The following NMNAT3 variants were observed in gnomAD, a reference collection of about 807,000 sequenced individuals.
NMNAT3 encodes nicotinamide nucleotide adenylyltransferase 3, also known as nicotinamide/nicotinic acid mononucleotide adenylyltransferase 3.
In NMNAT3, 21 loss-of-function variants were observed where a neutral mutation model predicts 24.8. That is an observed-to-expected ratio of 0.85 (90% CI 0.60 to 1.22). NMNAT3 has a LOEUF of 1.22. NMNAT3 is among the 50% of genes most tolerant of loss of function. The pLI, the probability that NMNAT3 is intolerant of heterozygous loss-of-function variation, is 0.00. For synonymous variants in NMNAT3, 136 were observed against 155.2 expected, an observed-to-expected ratio of 0.88 and a Z score of 0.92; for missense variants, 387 against 436.6, an observed-to-expected ratio of 0.89 and a Z score of 1.01.
At chr3:139,608,965 C>G (rs2055069240) in intron 3 of NMNAT3, among the ~76,000 whole-genome samples, 1 of 152,186 alleles carries the variant, frequency 6.6e-6, no homozygotes, top group Non-Finnish European at 1.5e-5. Context: ...TTTATCATTT[C>G]AAGAAAGTTA....
rs1386579623 is a variant in NMNAT3, at chr3:139,671,570, C to A, written c.-141+6135G>T. Reference sequence around the variant, plus strand: ...TCATCGACGGTCCTTTGATTACTTACAAAACACAACATGAGTAACAGACAG... The same window carrying A: ...TCATCGACGGTCCTTTGATTACTTAAAAAACACAACATGAGTAACAGACAG... On this transcript the variant is annotated intron_variant, in intron 1 of 6. Coordinates refer to ENST00000643695, the MANE Select transcript of NMNAT3 (RefSeq NM_001320510.2). 3.9e-5 allele frequency among the ~76,000 whole-genome samples: 6 copies of A among 151,980 alleles called. No homozygotes were observed. In the South Asian group the frequency reaches 1.2e-3, roughly 32 times the overall value.
At chr3:139,590,835 ATTC>A (rs1261018727) in intron 3 of NMNAT3, among the ~76,000 whole-genome samples, 1 of 152,214 alleles carries the variant, frequency 6.6e-6, no homozygotes, top group Non-Finnish European at 1.5e-5. Flanking sequence ...TTCACTTTTA[ATTC>A]TTCTTTATTT....
At chr3:139,624,828 AT>A (rs2055979580) in intron 3 of NMNAT3, among the ~76,000 whole-genome samples, 1 of 152,148 alleles carries the variant, frequency 6.6e-6, no homozygotes, top group Non-Finnish European at 1.5e-5. Context: ...GTATTCTGTG[AT>A]GTAGGATGCA....
rs1451610760 is a variant in NMNAT3 at position 139,608,754 on chromosome 3, T to C, written c.109+18862A>G. Among the ~76,000 whole-genome samples the C allele has an allele frequency of 3.3e-5, 5 of 152,206 alleles. No individual in the cohort carries two copies. In the East Asian group the frequency reaches 5.8e-4, roughly 18 times the overall value. ...ACTCATTTTCCATACAGTCCTTTGA[T>C]TGTGTGGTAGTTCTGTGAAATTTCA... is the stretch of plus-strand genomic sequence containing the variant. On this transcript the variant is annotated intron_variant, in intron 3 of 6. Coordinates refer to ENST00000643695, the MANE Select transcript of NMNAT3 (RefSeq NM_001320510.2).
intron 3 of NMNAT3, among the ~76,000 whole-genome samples, chr3:139,592,533 T>G (rs1445590476): frequency 6.6e-6 from 1 of 152,040 alleles, no homozygotes; most frequent in Non-Finnish European, 1.5e-5. Flanking sequence ...TCACCAAAGT[T>G]GAAATGAAGG....
chr3:139,580,384 A>G (rs1374661980), intron 4 of NMNAT3, among the ~76,000 whole-genome samples: 2 of 152,128 alleles, frequency 1.3e-5, no homozygotes, highest in Non-Finnish European at 2.9e-5. Context: ...CGGCCTCCCA[A>G]AGTGCTGGGA....
intron 5 of NMNAT3, among the ~76,000 whole-genome samples, chr3:139,574,457 G>T (rs983353605): frequency 3.3e-5 from 5 of 152,222 alleles, no homozygotes; most frequent in African/African-American, 1.2e-4. Context: ...TGGCATGCCT[G>T]CCTTCTTTAG....
chr3:139,669,115 C>T (rs979247326), intron 1 of NMNAT3, among the ~76,000 whole-genome samples: 7 of 152,110 alleles, frequency 4.6e-5, no homozygotes, highest in Admixed American at 2.0e-4. Flanking sequence ...TTTCTAGAAT[C>T]TGCATTATGC....
chr3:139,639,178 T>C (rs1559940455), intron 1 of NMNAT3, among the ~76,000 whole-genome samples: 1 of 152,204 alleles, frequency 6.6e-6, no homozygotes, highest in Non-Finnish European at 1.5e-5. Flanking sequence ...AGTGAGCTTC[T>C]TGAGGGCAAA....
At chr3:139,667,987 A>G (rs2057638569) in intron 1 of NMNAT3, among the ~76,000 whole-genome samples, 1 of 152,242 alleles carries the variant, frequency 6.6e-6, no homozygotes, top group South Asian at 2.1e-4. Context: ...GATGTGATAG[A>G]GATAAGGATA....
At chr3:139,577,765 A>G (rs1448510569) in intron 5 of NMNAT3, 3 of 152,224 alleles carry the variant, frequency 2.0e-5, no homozygotes, top group Admixed American at 6.5e-5. Context: ...TTATTTTATA[A>G]TGGCTTTCCT....
At chr3:139,605,775 T>C (rs573694483) in intron 3 of NMNAT3, among the ~76,000 whole-genome samples, 55 of 152,144 alleles carry the variant, frequency 3.6e-4, no homozygotes, top group Non-Finnish European at 6.2e-4. Context: ...CTTAAATTCT[T>C]TGTCCCTAAA....
rs75818613 is a variant in NMNAT3 at position 139,609,120 on chromosome 3, T to C, written c.109+18496A>G. Reference sequence around the variant, plus strand: ...AGTCTATGGTATGGATGTATCACAGTTTAATTATTCGCCCCTTGAAGGACA... The same window carrying C: ...AGTCTATGGTATGGATGTATCACAGCTTAATTATTCGCCCCTTGAAGGACA... On this transcript the variant is annotated intron_variant, in intron 3 of 6. Coordinates refer to ENST00000643695, the MANE Select transcript of NMNAT3 (RefSeq NM_001320510.2). Among the ~76,000 whole-genome samples the C allele has an allele frequency of 3.0e-3, 454 of 152,326 alleles. 2 individuals are homozygous for C. Among genetic ancestry groups the C allele is most frequent in the Non-Finnish European group, 4.5e-3 (307 of 68,038 alleles).
rs144926072 is a variant in NMNAT3, at chr3:139,645,807, G to C, written c.-140-7745C>G. ...AACAAAATTGGGTTTGTTTTAATAAGGAAGAAGGGAGAAACAGATATTGGA... is the reference window on the plus strand; with the variant it reads ...AACAAAATTGGGTTTGTTTTAATAACGAAGAAGGGAGAAACAGATATTGGA... On this transcript the variant is annotated intron_variant, in intron 1 of 6. Coordinates refer to ENST00000643695, the MANE Select transcript of NMNAT3 (RefSeq NM_001320510.2). Among the ~76,000 whole-genome samples, 12 of 152,214 alleles carry C rather than the reference G, an allele frequency of 7.9e-5. No individual in the cohort carries two copies. The East Asian group carries it at 2.3e-3, about 29-fold the overall frequency.
At chr3:139,599,333 G>A (rs2054609143) in intron 3 of NMNAT3, 1 of 702,504 alleles carries the variant, frequency 1.4e-6, no homozygotes, top group East Asian at 2.7e-5. Flanking sequence ...TTTGCTGGGA[G>A]AAGCTTGGTG....
At chr3:139,665,196 C>A (rs1206588067) in intron 1 of NMNAT3, among the ~76,000 whole-genome samples, 1 of 152,102 alleles carries the variant, frequency 6.6e-6, no homozygotes, top group African/African-American at 2.4e-5. Flanking sequence ...CGAAGCCAGG[C>A]CAAACAGGGT....
intron 2 of NMNAT3, chr3:139,636,706 GT>G (rs1256813864): frequency 6.6e-6 from 1 of 152,212 alleles, no homozygotes; most frequent in Non-Finnish European, 1.5e-5. Flanking sequence ...ACATTTACAA[GT>G]GAGCAAAACC....
intron 6 of NMNAT3, 44 bp from the exon 7 acceptor site, chr3:139,561,436 C>T (rs1438679653): frequency 6.4e-7 from 1 of 1,569,778 alleles, no homozygotes; most frequent in Admixed American, 1.8e-5. Context: ...AGAGAGGTCA[C>T]TGCCAGGAAA....
At chr3:139,597,414 A>G (rs961075887) in intron 3 of NMNAT3, among the ~76,000 whole-genome samples, 1 of 152,200 alleles carries the variant, frequency 6.6e-6, no homozygotes, top group Non-Finnish European at 1.5e-5. Flanking sequence ...GTGGTATATT[A>G]ATAGATATCT....
Sources: gnomAD v4.1 joint callset for allele counts (sites outside exome capture counted in the v4.1 genomes callset) on GRCh38, gnomAD v4.1.1 for gene constraint, MANE v1.5 for transcripts, NCBI Gene and HGNC (gene_info 2026-07-23, HGNC 2026-07-21) for gene names.